RTTN: variants seen among roughly 807,000 people sequenced by gnomAD.
RTTN encodes rotatin.
Under a neutral mutation model 269.2 loss-of-function variants are expected in RTTN, and 182 were observed. The ratio of observed to expected loss-of-function variants is 0.68; its 90% CI spans 0.60 to 0.76. The LOEUF is 0.76. Among genes scored for constraint, RTTN ranks in the 30% least tolerant of loss-of-function variants. The pLI is 0.00. For synonymous variants in RTTN, 1,006 were observed against 963.5 expected (o/e 1.04, Z -0.82); for missense variants, 2,545 against 2,608.6 (o/e 0.98, Z 0.53).
At chr18:70,114,279 G>T (rs1012249491) in intron 27 of RTTN, among the ~76,000 whole-genome samples, 166 bp downstream of exon 27, 7 of 152,056 alleles carry the variant, frequency 4.6e-5, no homozygotes, top group Non-Finnish European at 1.0e-4. Context: ...GGCTGTAACA[G>T]ATTAAACTGA....
chr18:70,065,970 A>C (rs953693440), intron 34 of RTTN, 48 bp from the exon 35 acceptor site: 2 of 1,329,772 alleles, frequency 1.5e-6, no homozygotes, highest in African/African-American at 2.9e-5. Context: ...AGTACGGAAA[A>C]TGAAACACAG....
chr18:70,022,387 C>T, intron 44 of RTTN, among the ~76,000 whole-genome samples: 1 of 152,202 alleles, frequency 6.6e-6, no homozygotes, highest in East Asian at 1.9e-4. Flanking sequence ...GCTCTCACCT[C>T]TCTTACCCTC....
At chr18:70,010,149 C>A (rs1057392866) in intron 46 of RTTN, among the ~76,000 whole-genome samples, 5 of 152,164 alleles carry the variant, frequency 3.3e-5, no homozygotes, top group South Asian at 2.1e-4. Flanking sequence ...GAGACTTCAA[C>A]ACCCCACTGT....
At chr18:70,113,470 T>C (rs1184425296) in intron 27 of RTTN, among the ~76,000 whole-genome samples, 1 of 152,182 alleles carries the variant, frequency 6.6e-6, no homozygotes, top group East Asian at 1.9e-4. Context: ...GGAAAACAGC[T>C]TGGCATTTCC....
At chr18:70,109,438 G>T in intron 28 of RTTN, 60 bp downstream of exon 28, 1 of 1,258,116 alleles carries the variant, frequency 7.9e-7, no homozygotes, top group Non-Finnish European at 1.2e-6. Context: ...TGCACTTGTG[G>T]CCTGGCATAA....
chr18:70,088,129 C>T lies in RTTN; in HGVS notation c.4162G>A (p.Gly1388Arg), dbSNP rs767996960. Residue 1388 changes from glycine (G) to arginine (R), a missense_variant, in exon 31 of 49, where the codon GGA becomes AGA. Transcript: ENST00000640769. ...AGGGTGGTCAGTGCTGATCCTAATC[C>T]CAGTGAAGTGAATCTCACCTGTTCA... ...RDPEVRFTSL[G>R]LGSALTTLET... 6.2e-6 allele frequency: 10 copies of T among 1,612,590 alleles called. No individual in the cohort carries two copies. Among genetic ancestry groups the T allele is most frequent in the Non-Finnish European group, 8.5e-6 (10 of 1,179,420 alleles).
intron 4 of RTTN, among the ~76,000 whole-genome samples, chr18:70,200,229 A>T (rs1336626528): frequency 6.6e-6 from 1 of 152,216 alleles, no homozygotes; most frequent in Non-Finnish European, 1.5e-5. Context: ...TCCCAAACAT[A>T]GCACAGTTAC....
chr18:70,006,374 A>T lies in RTTN; in HGVS notation c.6525+7T>A, dbSNP rs749553099. ...CCCCAGGTGTAACAATGATTTTTAAAACTGACCTTCTGATAATTGTAAATC... is the reference window on the plus strand; with the variant it reads ...CCCCAGGTGTAACAATGATTTTTAATACTGACCTTCTGATAATTGTAAATC... On this transcript the variant is annotated splice_region_variant and intron_variant, in intron 47 of 48. Transcript: ENST00000640769. 21 of 1,608,076 alleles carry T rather than the reference A, an allele frequency of 1.3e-5. No individual in the cohort carries two copies. The highest frequency in any genetic ancestry group is 1.8e-5 in the Non-Finnish European group (21 of 1,174,568).
At chr18:70,087,774 T>C (rs987062881) in intron 31 of RTTN, among the ~76,000 whole-genome samples, 1 of 152,170 alleles carries the variant, frequency 6.6e-6, no homozygotes, top group African/African-American at 2.4e-5. Context: ...TAAAATATAG[T>C]ATATTCCGAT....
At chr18:70,167,151 T>C (rs905826620) in intron 12 of RTTN, 120 bp from the exon 13 acceptor site, 5 of 646,514 alleles carry the variant, frequency 7.7e-6, no homozygotes, top group Non-Finnish European at 1.3e-5. Context: ...TGTTTACATT[T>C]GTTTAAGTCC....
rs1460586197 is a variant in RTTN at position 70,201,613 on chromosome 18, A to AT, written c.487+280_487+281insA. 1.2e-3 allele frequency among the ~76,000 whole-genome samples: 185 copies of AT among 148,130 alleles called. 2 individuals carry two copies. Among genetic ancestry groups the AT allele is most frequent in the South Asian group, 3.0e-3 (14 of 4,682 alleles). On this transcript the variant is annotated intron_variant, in intron 4 of 48. Transcript: ENST00000640769. Reference sequence around the variant, plus strand: ...ACAGAGCGAGACTCCATCTCAAAAAAAAAAAAAAAAAAAAAAAAAAACTCA... The same window carrying AT: ...ACAGAGCGAGACTCCATCTCAAAAAATAAAAAAAAAAAAAAAAAAAAACTCA...
intron 25 of RTTN, among the ~76,000 whole-genome samples, chr18:70,124,337 A>G (rs1028764198): frequency 3.3e-5 from 5 of 152,102 alleles, no homozygotes; most frequent in Non-Finnish European, 7.4e-5. Flanking sequence ...GACTTATGCG[A>G]TATGTGAGGG....
rs189559608 is a variant in RTTN at position 70,196,666 on chromosome 18, C to G, written c.694-18G>C. On this transcript the variant is annotated intron_variant, in intron 6 of 48. Coordinates refer to ENST00000640769, the MANE Select transcript of RTTN (RefSeq NM_173630.4). ...AAAAGGCTCTGAAATCAAGAAGAGC[C>G]GTGAAAATTACTAAGGGAACAAAGA... 6.2e-7 allele frequency: 1 copy of G among 1,603,064 alleles called. No individual in the cohort carries two copies. Among genetic ancestry groups the G allele is most frequent in the Non-Finnish European group, 8.5e-7 (1 of 1,176,728 alleles).
At chr18:70,198,049 G>A (rs1330780495) in intron 5 of RTTN, among the ~76,000 whole-genome samples, 2 of 152,160 alleles carry the variant, frequency 1.3e-5, no homozygotes, top group Non-Finnish European at 2.9e-5. Flanking sequence ...TCTGCAAAAC[G>A]AGTTCAATGA....
At position 70,126,321 on chromosome 18, in the gene RTTN, A is replaced by G. The variant is rs76196557; in HGVS notation, c.3383+1181T>C. 2.3e-4 allele frequency among the ~76,000 whole-genome samples: 35 copies of G among 152,206 alleles called. 2 individuals are homozygous for G. The East Asian group carries it at 6.2e-3, about 27-fold the overall frequency. ...AATTTCTTTTGACAAATAGGGACAT[A>G]TTACATTTATTTAAAGTGAAGGATT... On this transcript the variant is annotated intron_variant, in intron 25 of 48. Transcript: ENST00000640769.
chr18:70,105,355 T>A (rs1230102425), intron 28 of RTTN, among the ~76,000 whole-genome samples: 2 of 152,156 alleles, frequency 1.3e-5, no homozygotes, highest in Non-Finnish European at 2.9e-5. Context: ...AAAAGCACAG[T>A]ATTAGGGTGG....
At chr18:70,158,390 A>T (rs1430854580) in intron 14 of RTTN, among the ~76,000 whole-genome samples, 1 of 152,196 alleles carries the variant, frequency 6.6e-6, no homozygotes, top group African/African-American at 2.4e-5. Context: ...TCAGAGAAGC[A>T]AACGCTCAGG....
chr18:70,057,881 TATTA>T (rs1568310927), intron 36 of RTTN, 49 bp from the exon 37 acceptor site: 2 of 1,296,142 alleles, frequency 1.5e-6, no homozygotes, highest in Admixed American at 3.8e-5. Flanking sequence ...GTATACTTTT[TATTA>T]AAGATTAAGA....
intron 23 of RTTN, chr18:70,130,058 C>T (rs1264295299): frequency 2.6e-5 from 4 of 151,736 alleles, no homozygotes; most frequent in Non-Finnish European, 5.9e-5. Flanking sequence ...CAGAGAAATG[C>T]AAATCAAAAC....
Sources: allele counts gnomAD v4.1 joint callset (sites outside exome capture counted in the v4.1 genomes callset), GRCh38; gene constraint gnomAD v4.1.1; transcripts MANE v1.5; gene names NCBI Gene and HGNC (gene_info 2026-07-23, HGNC 2026-07-21).